PCLO: variants seen among roughly 807,000 people sequenced by gnomAD.
The protein encoded by PCLO is piccolo presynaptic cytomatrix protein.
In PCLO, 82 loss-of-function variants were observed where a neutral mutation model predicts 427.5. That is an observed-to-expected ratio of 0.19 (90% CI 0.16 to 0.23). PCLO has a LOEUF of 0.23. Among genes scored for constraint, PCLO ranks in the 10% least tolerant of loss-of-function variants. PCLO has a pLI of 1.00. For synonymous variants in PCLO, 2,357 were observed against 2,155.4 expected (o/e 1.09, Z -2.59); for missense variants, 6,239 against 6,115.9 (o/e 1.02, Z -0.67).
At chr7:82,927,729 T>C (rs757781536) in intron 6 of PCLO, among the ~76,000 whole-genome samples, 9 of 152,210 alleles carry the variant, frequency 5.9e-5, no homozygotes, top group Non-Finnish European at 1.0e-4. Context: ...ACTGTATCTT[T>C]ATACACATCA....
At chr7:82,933,435 A>G (rs1407252877) in intron 6 of PCLO, among the ~76,000 whole-genome samples, 2 of 151,932 alleles carry the variant, frequency 1.3e-5, no homozygotes, top group Non-Finnish European at 2.9e-5. Flanking sequence ...AATTTGAGAA[A>G]ACAGTTTGCT....
At chr7:83,009,396 C>T (rs1788024627) in intron 3 of PCLO, among the ~76,000 whole-genome samples, 2 of 151,766 alleles carry the variant, frequency 1.3e-5, no homozygotes, top group South Asian at 4.1e-4. Flanking sequence ...GATTTGTGAG[C>T]AAGTTATTTA....
At chr7:82,843,347 C>A (rs12055890) in intron 13 of PCLO, among the ~76,000 whole-genome samples, 19,279 of 151,976 alleles carry the variant, frequency 0.13, 1,565 homozygotes, top group Non-Finnish European at 0.16. Flanking sequence ...TGGAATCTAA[C>A]AAAGTTGAAC....
At chr7:82,813,264 A>C (rs917339670) in intron 20 of PCLO, among the ~76,000 whole-genome samples, 2 of 151,686 alleles carry the variant, frequency 1.3e-5, no homozygotes, top group Non-Finnish European at 3.0e-5. Context: ...TAATGTCATT[A>C]ATCTTTCTCC....
At chr7:82,825,652 GTATA>G (rs1791917592) in intron 18 of PCLO, among the ~76,000 whole-genome samples, 1 of 147,368 alleles carries the variant, frequency 6.8e-6, no homozygotes, top group African/African-American at 2.5e-5. Context: ...AATATGTATA[GTATA>G]TATACATTGT....
chr7:83,030,031 C>T (rs974641612), intron 3 of PCLO, among the ~76,000 whole-genome samples: 27 of 146,010 alleles, frequency 1.8e-4, no homozygotes, highest in South Asian at 1.3e-3. Flanking sequence ...TTAGTGGGTG[C>T]AGCGCACCAG....
rs919368539 is a variant in PCLO at position 82,915,460 on chromosome 7, C to T, written c.12526G>A (p.Ala4176Thr). 3 of 1,613,486 alleles carry T rather than the reference C, an allele frequency of 1.9e-6. No homozygotes were observed. Among genetic ancestry groups the T allele is most frequent in the East Asian group, 4.5e-5 (2 of 44,858 alleles). The change falls in exon 7 of 25, where the codon GCA (alanine) becomes ACA (threonine). Residue 4176 changes from alanine (A) to threonine (T), a missense_variant. Physicochemically the swap from Ala to Thr is moderately conservative, Grantham distance 58. This residue lies in a region of PCLO where 680 missense variants were observed against 677.3 expected (regional missense o/e 1.00). Transcript: ENST00000333891. ...AGTATGGCTGCTGGCAGTTGTTTTG[C>T]TGCTTGTTTTTCAAGTGTGAGTCTA... ...ISRLTLEKQA[A>T]KQLPAAILYQ...
chr7:83,000,268 T>TGAGAGAGAGAGA (rs145445022), intron 3 of PCLO, among the ~76,000 whole-genome samples: 4 of 54,126 alleles, frequency 7.4e-5, no homozygotes, highest in African/African-American at 3.3e-4. Flanking sequence ...TTCAAAGTGT[T>TGAGAGAGAGAGA]GAGAGAGAGA....
chr7:82,905,708 G>A (rs187258595), intron 8 of PCLO, among the ~76,000 whole-genome samples: 16 of 152,024 alleles, frequency 1.1e-4, no homozygotes, highest in Admixed American at 3.3e-4. Context: ...TCCAAGGAGC[G>A]AAAACAGAAC....
chr7:83,013,363 T>C (rs568516530), intron 3 of PCLO, among the ~76,000 whole-genome samples: 13 of 152,314 alleles, frequency 8.5e-5, no homozygotes, highest in African/African-American at 3.1e-4. Flanking sequence ...GAATTATATA[T>C]GCCTTCTCGT....
At chr7:83,074,582 T>C (rs375934309) in intron 3 of PCLO, among the ~76,000 whole-genome samples, 5 of 152,272 alleles carry the variant, frequency 3.3e-5, no homozygotes, top group African/African-American at 1.2e-4. Flanking sequence ...ACTTTTCTCA[T>C]GGAGAAACTT....
chr7:82,853,427 C>G (rs1021072077), intron 10 of PCLO, among the ~76,000 whole-genome samples: 9 of 151,912 alleles, frequency 5.9e-5, no homozygotes, highest in Non-Finnish European at 1.2e-4. Context: ...GGCATAAGAA[C>G]AATTGCTATT....
chr7:82,982,643 C>T (rs535710173), intron 3 of PCLO, among the ~76,000 whole-genome samples: 2 of 150,610 alleles, frequency 1.3e-5, no homozygotes, highest in South Asian at 4.2e-4. Context: ...ATTTAAATGT[C>T]AAATATAAAT....
intron 3 of PCLO, among the ~76,000 whole-genome samples, chr7:83,096,793 A>T (rs1790555307): frequency 9.4e-6 from 1 of 106,608 alleles, no homozygotes; most frequent in African/African-American, 3.7e-5. Context: ...AAATATATAT[A>T]AAAATATATT....
intron 3 of PCLO, among the ~76,000 whole-genome samples, chr7:82,983,399 A>T: frequency 6.6e-6 from 1 of 151,080 alleles, no homozygotes; most frequent in East Asian, 1.9e-4. Flanking sequence ...TTAATAAAAT[A>T]TACTTCATAA....
rs199626449 is a variant in PCLO at position 82,950,977 on chromosome 7, A to T, written c.9611T>A (p.Val3204Asp). 2.1e-3 allele frequency: 3,341 copies of T among 1,613,686 alleles called. 28 individuals are homozygous for T. The highest frequency in any genetic ancestry group is 0.016 in the South Asian group (1,459 of 91,080). The change falls in exon 6 of 25, where the codon GTC becomes GAC. Residue 3204 changes from valine (V) to aspartate (D), a missense_variant. Physicochemically the swap from Val to Asp is radical, Grantham distance 152. Around this residue, in one of 5 missense-constraint regions of PCLO, gnomAD observed 4,677 missense variants for 4,468.4 expected, o/e 1.05. Coordinates refer to ENST00000333891, the MANE Select transcript of PCLO (RefSeq NM_033026.6). ...VVGDESALLI[V>D]PEEDKQQQQL... ...CTGCTGTTGTTTATCTTCTTCAGGG[A>T]CAATTAAAAGAGCACTTTCATCTCC... is the stretch of plus-strand genomic sequence containing the variant.
chr7:82,839,887 G>A (rs1461979150), intron 14 of PCLO, among the ~76,000 whole-genome samples: 1 of 151,582 alleles, frequency 6.6e-6, no homozygotes, highest in Admixed American at 6.6e-5. Context: ...TTTGAAATGA[G>A]CCTTTGCTAA....
intron 3 of PCLO, among the ~76,000 whole-genome samples, chr7:83,131,545 C>CAA (rs997905224): frequency 3.3e-5 from 5 of 152,102 alleles, no homozygotes; most frequent in African/African-American, 1.2e-4. Context: ...TGTCTCACAG[C>CAA]AACCAGTATA....
At chr7:82,929,220 T>C (rs1794785943) in intron 6 of PCLO, among the ~76,000 whole-genome samples, 1 of 152,242 alleles carries the variant, frequency 6.6e-6, no homozygotes, top group Non-Finnish European at 1.5e-5. Flanking sequence ...GATTAAGATT[T>C]AAAATACATC....
Sources: gnomAD v4.1 joint callset for allele counts (sites outside exome capture counted in the v4.1 genomes callset) on GRCh38, gnomAD v4.1.1 for gene constraint, gnomAD v4.1.1 regional missense constraint, MANE v1.5 for transcripts, NCBI Gene and HGNC (gene_info 2026-07-23, HGNC 2026-07-21) for gene names.